ADCY9: variants seen among roughly 807,000 people sequenced by gnomAD.
ADCY9 encodes adenylate cyclase 9.
Under a neutral mutation model 101.5 loss-of-function variants are expected in ADCY9, and 50 were observed. The observed-to-expected ratio is 0.49, with a 90% confidence interval of 0.39 to 0.62. The LOEUF is 0.62. ADCY9 is among the 20% of genes least tolerant of loss of function. The pLI, the probability that ADCY9 is intolerant of heterozygous loss-of-function variation, is 0.00. For synonymous variants in ADCY9, 905 were observed against 769.3 expected (o/e 1.18, Z -2.92); for missense variants, 1,662 against 1,800.4 (o/e 0.92, Z 1.39).
chr16:4,012,321 C>T (rs1383636963), intron 2 of ADCY9, among the ~76,000 whole-genome samples: 2 of 152,100 alleles, frequency 1.3e-5, no homozygotes, highest in Non-Finnish European at 2.9e-5. Flanking sequence ...TAATCACAAA[C>T]GCCTGAGAAA....
chr16:3,989,489 C>T (rs2056226519), intron 5 of ADCY9, among the ~76,000 whole-genome samples: 1 of 152,164 alleles, frequency 6.6e-6, no homozygotes, highest in Non-Finnish European at 1.5e-5. Flanking sequence ...AGCAATTCTC[C>T]TGCCTCAGCC....
In ADCY9 at chr16:4,115,923, C is replaced by G. The variant is rs1485625012; in HGVS notation, c.-277G>C. 3 of 388,780 alleles carry G rather than the reference C, an allele frequency of 7.7e-6. No homozygotes were observed. The Admixed American group carries it at 1.3e-4, about 17-fold the overall frequency. 24.1% of individuals were successfully genotyped at this position (388,780 alleles called of 1,614,324 possible). Reference sequence around the variant, plus strand: ...CCGCTGGCGGCGCGGAGCCCTCCATCCTGCAGGAGCCGCGCTCCGATGCGT... The same window carrying G: ...CCGCTGGCGGCGCGGAGCCCTCCATGCTGCAGGAGCCGCGCTCCGATGCGT... On this transcript the variant is annotated 5_prime_UTR_variant, in exon 1 of 11. Transcript: ENST00000294016. This position sits in a 1 kb window ranked among gnomAD's most constrained non-coding sequence, Gnocchi z 6.2.
chr16:4,039,251 T>A (rs936816417), intron 2 of ADCY9, among the ~76,000 whole-genome samples: 2 of 152,190 alleles, frequency 1.3e-5, no homozygotes, highest in African/African-American at 2.4e-5. Flanking sequence ...GTACTTGCGG[T>A]GCTGTTTCTC....
intron 2 of ADCY9, among the ~76,000 whole-genome samples, chr16:4,040,389 A>G (rs751133248): frequency 3.3e-5 from 5 of 152,016 alleles, no homozygotes; most frequent in Non-Finnish European, 7.4e-5. Context: ...GCCAAGCACT[A>G]TCATATTTCC....
At chr16:4,058,133 T>C (rs1424564589) in intron 2 of ADCY9, among the ~76,000 whole-genome samples, 1 of 144,824 alleles carries the variant, frequency 6.9e-6, no homozygotes, top group Admixed American at 7.1e-5. Flanking sequence ...CACTCCAGCC[T>C]GAGTGACAGA....
chr16:4,019,884 C>T (rs1363974567), intron 2 of ADCY9, among the ~76,000 whole-genome samples: 4 of 152,132 alleles, frequency 2.6e-5, no homozygotes, highest in Admixed American at 2.6e-4. Context: ...TTGAGACCAG[C>T]CTGGCCAACA....
Position 4,114,087 on chromosome 16 carries a change from G to A in ADCY9, c.1356C>T (p.Pro452=), listed in dbSNP as rs530342246. ...GDCYYCVAGC[P]EPRADHAYCC... Reference sequence around the variant, plus strand: ...AGTAGGCATGGTCGGCCCGGGGCTCGGGACAGCCCGCCACGCAGTAGTAAC... The same window carrying A: ...AGTAGGCATGGTCGGCCCGGGGCTCAGGACAGCCCGCCACGCAGTAGTAAC... The change falls in exon 2 of 11, where the codon CCC becomes CCT. Residue 452 remains proline, a synonymous_variant. Transcript: ENST00000294016. This position sits in a 1 kb window ranked among gnomAD's most constrained non-coding sequence, Gnocchi z 4.3. 11 of 1,613,686 alleles carry A rather than the reference G, an allele frequency of 6.8e-6. No individual in the cohort carries two copies. Among genetic ancestry groups the A allele is most frequent in the Middle Eastern group, 1.6e-4 (1 of 6,084 alleles).
intron 2 of ADCY9, among the ~76,000 whole-genome samples, chr16:4,037,243 A>T (rs1278619885): frequency 1.3e-5 from 2 of 152,174 alleles, no homozygotes; most frequent in Non-Finnish European, 2.9e-5. Context: ...ATTTGAGCCC[A>T]GGAGGTCAAG....
At chr16:4,056,600 G>A (rs924680676) in intron 2 of ADCY9, among the ~76,000 whole-genome samples, 1 of 152,068 alleles carries the variant, frequency 6.6e-6, no homozygotes, top group Admixed American at 6.6e-5. Flanking sequence ...GTCAGAATCA[G>A]TCCTCACTGT....
chr16:4,064,997 G>C (rs1258493019), intron 2 of ADCY9, among the ~76,000 whole-genome samples: 1 of 152,154 alleles, frequency 6.6e-6, no homozygotes, highest in Non-Finnish European at 1.5e-5. Flanking sequence ...GAGTGACAGA[G>C]GGAGGAGAAG....
rs1197746535 is a variant in ADCY9 at position 4,019,883 on chromosome 16, G to GCCTGGCCAACATGGTGAAAC, written c.1694-12345_1694-12326dup. ...ACGTGAGGTCAAGAGTTTGAGACCA[G>GCCTGGCCAACATGGTGAAAC]CCTGGCCAACATGGTGAAACCCTGT... On this transcript the variant is annotated intron_variant, in intron 2 of 10. Coordinates refer to ENST00000294016, the MANE Select transcript of ADCY9 (RefSeq NM_001116.4). Among the ~76,000 whole-genome samples, 20 of 152,166 alleles carry GCCTGGCCAACATGGTGAAAC rather than the reference G, an allele frequency of 1.3e-4. 1 individual carries two copies. Among genetic ancestry groups the GCCTGGCCAACATGGTGAAAC allele is most frequent in the African/African-American group, 4.6e-4 (19 of 41,438 alleles).
intron 2 of ADCY9, among the ~76,000 whole-genome samples, chr16:4,033,290 G>C (rs1053138419): frequency 6.6e-6 from 1 of 151,980 alleles, no homozygotes; most frequent in African/African-American, 2.4e-5. Context: ...ATAACGGCTT[G>C]GAATCTAATT....
intron 3 of ADCY9, among the ~76,000 whole-genome samples, chr16:3,994,022 C>T (rs2056268387): frequency 6.6e-6 from 1 of 152,038 alleles, no homozygotes; most frequent in Admixed American, 6.6e-5. Flanking sequence ...GTGGGGTTTG[C>T]TACGATTCGA....
At chr16:3,967,053 T>C (rs748573934) in intron 10 of ADCY9, 87 bp from the exon 11 acceptor site, 13 of 1,151,970 alleles carry the variant, frequency 1.1e-5, no homozygotes, top group South Asian at 3.0e-5. Context: ...CAAAGCTTTG[T>C]TGAGTCCAGG....
chr16:4,099,483 T>C (rs553212584), intron 2 of ADCY9, among the ~76,000 whole-genome samples: 1 of 152,326 alleles, frequency 6.6e-6, no homozygotes, highest in South Asian at 2.1e-4. Flanking sequence ...TCTCTCTGAA[T>C]AAACATATCA....
intron 2 of ADCY9, among the ~76,000 whole-genome samples, chr16:4,093,224 G>A (rs1256261015): frequency 6.6e-6 from 1 of 152,186 alleles, no homozygotes; most frequent in Non-Finnish European, 1.5e-5. Context: ...CAACCATCCA[G>A]AAAGTGCTAT....
In ADCY9 at chr16:3,971,482, C is replaced by T. The variant is rs116616336; in HGVS notation, c.2870+3187G>A. Among the ~76,000 whole-genome samples, 1,317 of 152,308 alleles carry T rather than the reference C, an allele frequency of 8.6e-3. 18 individuals carry two copies. The highest frequency in any genetic ancestry group is 0.03 in the African/African-American group (1,237 of 41,568). ...CAAGAGTCCTCAGTGGGAAGACACC[C>T]TGTGCTTCACTGACTCATTTCGTGA... On this transcript the variant is annotated intron_variant, in intron 10 of 10. Transcript: ENST00000294016.
At chr16:4,067,568 A>C (rs548750361) in intron 2 of ADCY9, among the ~76,000 whole-genome samples, 1 of 152,310 alleles carries the variant, frequency 6.6e-6, no homozygotes, top group South Asian at 2.1e-4. Flanking sequence ...CTCCAGGGAC[A>C]GCTGAGTCCA....
intron 3 of ADCY9, among the ~76,000 whole-genome samples, chr16:4,000,420 T>C (rs572130363): frequency 1.1e-4 from 17 of 152,332 alleles, no homozygotes; most frequent in African/African-American, 3.6e-4. Flanking sequence ...TGGGGCTAAC[T>C]CTATGTCCCT....
Sources: allele counts gnomAD v4.1 joint callset (sites outside exome capture counted in the v4.1 genomes callset), GRCh38; gene constraint gnomAD v4.1.1; non-coding constraint Gnocchi (gnomAD v3.1); transcripts MANE v1.5; gene names NCBI Gene and HGNC (gene_info 2026-07-23, HGNC 2026-07-21).